The following DOCK3 variants were observed in gnomAD, a reference collection of about 807,000 sequenced individuals.
DOCK3 encodes the protein dedicator of cytokinesis protein 3.
Under a neutral mutation model 265.6 loss-of-function variants are expected in DOCK3, and 60 were observed. The observed-to-expected ratio is 0.23, with a 90% CI of 0.18 to 0.28. DOCK3 has a LOEUF of 0.28. DOCK3 is among the 10% of genes least tolerant of loss of function. DOCK3 has a pLI of 1.00. For synonymous variants in DOCK3, 881 were observed against 938.0 expected, an observed-to-expected ratio of 0.94 and a Z score of 1.11; for missense variants, 1,981 against 2,594.3, an observed-to-expected ratio of 0.76 and a Z score of 5.14.
chr3:51,299,387 G>A (rs2082264078), intron 27 of DOCK3, among the ~76,000 whole-genome samples: 1 of 152,044 alleles, frequency 6.6e-6, no homozygotes, highest in African/African-American at 2.4e-5. Flanking sequence ...TCTGATGTTA[G>A]TTTCTTTTGC....
rs2048426214 is a variant in DOCK3 at position 50,887,979 on chromosome 3, T to C, written c.163-2047T>C. 2.0e-5 allele frequency among the ~76,000 whole-genome samples: 3 copies of C among 152,144 alleles called. No homozygotes were observed. The South Asian group carries it at 6.2e-4, about 32-fold the overall frequency. On this transcript the variant is annotated intron_variant, in intron 3 of 52. Transcript: ENST00000266037. ...CAGGGATGCCCTCTCTCACCACTCCTGTTCAACATAGTGTTGGAAGTTCTG... is the reference window on the plus strand; with the variant it reads ...CAGGGATGCCCTCTCTCACCACTCCCGTTCAACATAGTGTTGGAAGTTCTG...
intron 1 of DOCK3, among the ~76,000 whole-genome samples, chr3:50,704,648 C>T (rs1203518903): frequency 2.9e-5 from 4 of 135,624 alleles, no homozygotes; most frequent in Non-Finnish European, 4.7e-5. Flanking sequence ...TTTTTTGAGA[C>T]GGAGTCTCAC....
intron 1 of DOCK3, among the ~76,000 whole-genome samples, chr3:50,722,766 C>CTGG (rs2037552113): frequency 1.4e-5 from 1 of 73,314 alleles, no homozygotes; most frequent in Non-Finnish European, 2.4e-5. Context: ...CTTTCTTTTT[C>CTGG]TTGTTTTTTT....
intron 17 of DOCK3, 48 bp downstream of exon 17, chr3:51,228,136 GC>G: frequency 6.3e-7 from 1 of 1,577,934 alleles, no homozygotes; most frequent in Non-Finnish European, 8.7e-7. Context: ...CTGCCCTGAG[GC>G]CACTCTCACA....
chr3:51,202,483 C>A (rs2088854306), intron 12 of DOCK3, among the ~76,000 whole-genome samples: 1 of 152,064 alleles, frequency 6.6e-6, no homozygotes, highest in South Asian at 2.1e-4. Context: ...AGTTGAATCT[C>A]TGAATAGACC....
chr3:51,212,900 A>G (rs1304001190), intron 13 of DOCK3, among the ~76,000 whole-genome samples: 1 of 152,096 alleles, frequency 6.6e-6, no homozygotes, highest in Non-Finnish European at 1.5e-5. Flanking sequence ...TGAGTTTAGC[A>G]GAAGCAACGA....
At chr3:50,917,997 A>T (rs2050219639) in intron 4 of DOCK3, among the ~76,000 whole-genome samples, 1 of 152,018 alleles carries the variant, frequency 6.6e-6, no homozygotes, top group Non-Finnish European at 1.5e-5. Context: ...CCTGTGAGTG[A>T]GAACATACAG....
intron 10 of DOCK3, among the ~76,000 whole-genome samples, chr3:51,154,614 C>T (rs936183567): frequency 6.6e-6 from 1 of 152,180 alleles, no homozygotes; most frequent in African/African-American, 2.4e-5. Context: ...AATTCTGATT[C>T]TCTGATATTT....
intron 9 of DOCK3, among the ~76,000 whole-genome samples, chr3:51,110,973 T>A (rs1214857621): frequency 6.6e-6 from 1 of 152,170 alleles, no homozygotes; most frequent in African/African-American, 2.4e-5. Context: ...ATAAACAACT[T>A]CAGCAAAGTT....
intron 5 of DOCK3, among the ~76,000 whole-genome samples, chr3:50,983,692 A>G (rs1421233987): frequency 6.6e-6 from 1 of 152,150 alleles, no homozygotes; most frequent in African/African-American, 2.4e-5. Context: ...TGTCTTGCTC[A>G]TCCTCCACTT....
chr3:51,134,985 A>G (rs1323595438), intron 9 of DOCK3, among the ~76,000 whole-genome samples: 2 of 152,200 alleles, frequency 1.3e-5, no homozygotes, highest in Non-Finnish European at 2.9e-5. Context: ...ACTTAAAACA[A>G]TGCCTGGTGC....
intron 12 of DOCK3, among the ~76,000 whole-genome samples, chr3:51,204,777 CAAT>C (rs1322292624): frequency 3.3e-5 from 5 of 151,748 alleles, no homozygotes; most frequent in Admixed American, 1.3e-4. Flanking sequence ...AAATGTACAA[CAAT>C]GATAGACTGG....
Position 50,881,560 on chromosome 3 carries a change from G to A in DOCK3, c.163-8466G>A, listed in dbSNP as rs1216455181. On this transcript the variant is annotated intron_variant, in intron 3 of 52. Coordinates refer to ENST00000266037, the MANE Select transcript of DOCK3 (RefSeq NM_004947.5). Reference sequence around the variant, plus strand: ...ATACCTAGGAATCCAACTTACAAGGGATGTGAAGGACCTCTTCAAGGATAA... The same window carrying A: ...ATACCTAGGAATCCAACTTACAAGGAATGTGAAGGACCTCTTCAAGGATAA... Among the ~76,000 whole-genome samples the A allele has an allele frequency of 3.3e-5, 5 of 152,110 alleles. No individual in the cohort carries two copies. In the South Asian group the frequency reaches 6.2e-4, roughly 19 times the overall value.
chr3:51,270,087 C>G (rs1227795972), intron 23 of DOCK3, among the ~76,000 whole-genome samples: 1 of 152,164 alleles, frequency 6.6e-6, no homozygotes, highest in Non-Finnish European at 1.5e-5. Flanking sequence ...TCTGCCAGAG[C>G]TTACATCCTA....
At chr3:51,115,610 G>A (rs1399920058) in intron 9 of DOCK3, among the ~76,000 whole-genome samples, 1 of 152,158 alleles carries the variant, frequency 6.6e-6, no homozygotes, top group Non-Finnish European at 1.5e-5. Context: ...TCACTCTGAT[G>A]ATAGTTTCTT....
chr3:51,152,119 C>T (rs2085631561), intron 10 of DOCK3, among the ~76,000 whole-genome samples: 1 of 152,224 alleles, frequency 6.6e-6, no homozygotes, highest in Non-Finnish European at 1.5e-5. Flanking sequence ...CTCCCCGTCA[C>T]TTTCAGGTAC....
intron 9 of DOCK3, among the ~76,000 whole-genome samples, chr3:51,121,386 C>T (rs2084010958): frequency 1.3e-5 from 2 of 152,132 alleles, no homozygotes; most frequent in Non-Finnish European, 2.9e-5. Flanking sequence ...GAAATCACCC[C>T]GCTTCTGCAT....
intron 2 of DOCK3, among the ~76,000 whole-genome samples, chr3:50,802,407 A>G (rs1462797001): frequency 6.6e-6 from 1 of 152,032 alleles, no homozygotes; most frequent in Non-Finnish European, 1.5e-5. Context: ...CATCTTTTTT[A>G]CTTCCAGATA....
At chr3:51,202,957 A>G (rs2088901374) in intron 12 of DOCK3, among the ~76,000 whole-genome samples, 1 of 152,234 alleles carries the variant, frequency 6.6e-6, no homozygotes, top group Non-Finnish European at 1.5e-5. Context: ...TCCTTTGACA[A>G]AATTCAACAG....
Sources: allele counts gnomAD v4.1 joint callset (sites outside exome capture counted in the v4.1 genomes callset), GRCh38; gene constraint gnomAD v4.1.1; transcripts MANE v1.5; gene names NCBI Gene and HGNC (gene_info 2026-07-23, HGNC 2026-07-21).